FANCC: variants seen among roughly 807,000 people sequenced by gnomAD.
FANCC encodes Fanconi anemia group C protein.
FANCC carries 55 observed loss-of-function variants against 71.3 expected under a neutral mutation model. The observed-to-expected ratio is 0.77, with a 90% confidence interval of 0.62 to 0.97. FANCC has a LOEUF of 0.97. Ranked by LOEUF, FANCC falls within the 50% of genes least tolerant of loss-of-function variation. FANCC has a pLI of 0.00. For synonymous variants in FANCC, 275 were observed against 244.9 expected (o/e 1.12, Z -1.15); for missense variants, 678 against 670.9 (o/e 1.01, Z -0.12).
At chr9:95,133,649 G>T (rs1030268276) in intron 8 of FANCC, among the ~76,000 whole-genome samples, 1 of 152,168 alleles carries the variant, frequency 6.6e-6, no homozygotes, top group Non-Finnish European at 1.5e-5. Flanking sequence ...GGAAAGGCTG[G>T]AAAAAAGGCA....
chr9:95,310,693 G>A lies in FANCC; in HGVS notation c.-79+6833C>T, dbSNP rs139604483. 5.5e-4 allele frequency among the ~76,000 whole-genome samples: 83 copies of A among 152,240 alleles called. 1 individual carries two copies. In the East Asian group the frequency reaches 0.016, roughly 29 times the overall value. On this transcript the variant is annotated intron_variant, in intron 1 of 14. Coordinates refer to ENST00000289081, the MANE Select transcript of FANCC (RefSeq NM_000136.3). ...TAAAAGTCCACCCCCAGGAGCTAGA[G>A]GTAGTATCAGTGTTCCCCAGAGCCC...
At chr9:95,309,657 T>G (rs1282765168) in intron 1 of FANCC, among the ~76,000 whole-genome samples, 1 of 152,202 alleles carries the variant, frequency 6.6e-6, no homozygotes, top group Admixed American at 6.5e-5. Flanking sequence ...CTATATCACC[T>G]AGGATGCCTT....
In FANCC at chr9:95,249,428, C is replaced by A; in HGVS notation, c.-78-59G>T. On this transcript the variant is annotated intron_variant, in intron 1 of 14. Transcript: ENST00000289081. ...AAAGGCTCTTTTATCAGTGCCTTCA[C>A]GACCCATTGATGGGTGAAGGAGGGA... 4.8e-6 allele frequency: 4 copies of A among 827,548 alleles called. No individual in the cohort carries two copies. The South Asian group carries it at 5.8e-5, about 12-fold the overall frequency. 51.3% of individuals were successfully genotyped at this position (827,548 alleles called of 1,614,324 possible). A position where few individuals can be genotyped will look rare whatever the true frequency, so the allele number is the denominator to read the frequency against.
chr9:95,313,231 C>T (rs1447362377), intron 1 of FANCC, among the ~76,000 whole-genome samples: 1 of 152,230 alleles, frequency 6.6e-6, no homozygotes, highest in Non-Finnish European at 1.5e-5. Context: ...AGGGAGCTAG[C>T]GCTGGCAAAG....
intron 6 of FANCC, among the ~76,000 whole-genome samples, chr9:95,168,571 C>T (rs576921116): frequency 8.5e-5 from 13 of 152,342 alleles, no homozygotes; most frequent in African/African-American, 3.1e-4. Flanking sequence ...TGCTCTGTTG[C>T]CCAGGCTGGA....
intron 6 of FANCC, among the ~76,000 whole-genome samples, chr9:95,163,954 T>A (rs1434541967): frequency 6.6e-6 from 1 of 152,240 alleles, no homozygotes; most frequent in Admixed American, 6.5e-5. Context: ...CTTTTAGCAA[T>A]GTATAGCTTT....
chr9:95,291,746 G>A (rs143308506), intron 1 of FANCC, among the ~76,000 whole-genome samples: 1,712 of 151,616 alleles, frequency 0.011, 20 homozygotes, highest in Non-Finnish European at 0.016. Flanking sequence ...TCAGGAGTGC[G>A]AGACCACCCT....
intron 9 of FANCC, among the ~76,000 whole-genome samples, chr9:95,125,719 A>T (rs1366319781): frequency 1.3e-5 from 2 of 152,214 alleles, no homozygotes; most frequent in Non-Finnish European, 2.9e-5. Flanking sequence ...CACTGTTCTG[A>T]CTACTGGTGA....
chr9:95,154,639 C>T (rs545974107), intron 6 of FANCC, among the ~76,000 whole-genome samples: 4 of 152,134 alleles, frequency 2.6e-5, no homozygotes, highest in African/African-American at 9.6e-5. Context: ...TAAAGCACAG[C>T]GAAATGTGAA....
intron 6 of FANCC, among the ~76,000 whole-genome samples, chr9:95,154,496 G>A (rs535467776): frequency 6.6e-6 from 1 of 152,174 alleles, no homozygotes; most frequent in South Asian, 2.1e-4. Flanking sequence ...TTTACAGAAT[G>A]GAATGCTATA....
chr9:95,180,407 A>C, intron 4 of FANCC, among the ~76,000 whole-genome samples: 1 of 140,094 alleles, frequency 7.1e-6, no homozygotes, highest in East Asian at 2.1e-4. Context: ...GCTAGCAATC[A>C]CAGTTCGCTG....
intron 1 of FANCC, chr9:95,292,929 T>C: frequency 1.3e-6 from 2 of 1,580,608 alleles, no homozygotes; most frequent in Non-Finnish European, 1.7e-6. Flanking sequence ...CGGCTGTCCC[T>C]ACGCCAGTAG....
At chr9:95,279,947 C>CAAAAAAA (rs71498957) in intron 1 of FANCC, among the ~76,000 whole-genome samples, 2 of 64,768 alleles carry the variant, frequency 3.1e-5, no homozygotes, top group East Asian at 4.5e-4. Flanking sequence ...GACTCTGTCT[C>CAAAAAAA]AAAAAAAAAA....
intron 4 of FANCC, among the ~76,000 whole-genome samples, chr9:95,205,918 A>T (rs905266726): frequency 5.3e-5 from 8 of 152,224 alleles, no homozygotes; most frequent in African/African-American, 1.9e-4. Context: ...TTTTAAAAAA[A>T]TAGTAAGGAA....
chr9:95,275,602 TAG>T (rs1360754386), intron 1 of FANCC, among the ~76,000 whole-genome samples: 3 of 152,168 alleles, frequency 2.0e-5, no homozygotes, highest in African/African-American at 4.8e-5. Flanking sequence ...GCATGGGGTA[TAG>T]AGGAAATCTC....
At chr9:95,165,090 A>G (rs762247660) in intron 6 of FANCC, among the ~76,000 whole-genome samples, 1 of 151,868 alleles carries the variant, frequency 6.6e-6, no homozygotes, top group Non-Finnish European at 1.5e-5. Context: ...AGTAGTCTCA[A>G]TCTTTTTAAT....
intron 1 of FANCC, among the ~76,000 whole-genome samples, chr9:95,251,750 CTA>C (rs2136114018): frequency 6.6e-6 from 1 of 152,234 alleles, no homozygotes; most frequent in African/African-American, 2.4e-5. Flanking sequence ...TACATTTACA[CTA>C]TGCTCTTGGC....
intron 6 of FANCC, among the ~76,000 whole-genome samples, chr9:95,151,531 G>A (rs980993903): frequency 6.6e-6 from 1 of 152,174 alleles, no homozygotes; most frequent in African/African-American, 2.4e-5. Context: ...GCCACTATCA[G>A]TAGGCACTGA....
chr9:95,152,416 C>A (rs1028755001), intron 6 of FANCC, among the ~76,000 whole-genome samples: 11 of 152,136 alleles, frequency 7.2e-5, no homozygotes, highest in Non-Finnish European at 5.9e-5. Context: ...ACGTATATAT[C>A]TGGGAAGAAA....
Sources: gnomAD v4.1 joint callset for allele counts (sites outside exome capture counted in the v4.1 genomes callset) on GRCh38, gnomAD v4.1.1 for gene constraint, MANE v1.5 for transcripts, NCBI Gene and HGNC (gene_info 2026-07-23, HGNC 2026-07-21) for gene names.